Variants in KDM1A observed in about 807,000 individuals in gnomAD.
The protein encoded by KDM1A is lysine-specific histone demethylase 1A.
Under a neutral mutation model 109.4 loss-of-function variants are expected in KDM1A, and 49 were observed. That is an observed-to-expected ratio of 0.45 (90% CI 0.36 to 0.57). KDM1A has a LOEUF of 0.57. Ranked by LOEUF, KDM1A falls within the 20% of genes least tolerant of loss-of-function variation. The pLI is 0.00. For missense variants in KDM1A, 668 were observed against 1,116.6 expected, an observed-to-expected ratio of 0.60 and a Z score of 5.73; for synonymous variants, 380 against 415.4, an observed-to-expected ratio of 0.91 and a Z score of 1.04.
intron 1 of KDM1A, among the ~76,000 whole-genome samples, chr1:23,026,434 G>A (rs1244100068): frequency 2.0e-5 from 3 of 149,836 alleles, no homozygotes; most frequent in Non-Finnish European, 3.0e-5. Context: ...TTGTCACCCA[G>A]GCTGGAGTGC....
Position 23,079,793 on chromosome 1 carries a change from A to G in KDM1A, c.2170+126A>G. On this transcript the variant is annotated intron_variant, in intron 18 of 20. Transcript: ENST00000400181. The surrounding 1 kb of genome is among the most constrained non-coding windows in gnomAD (Gnocchi z 5.6). ...TATTAACTCAACAAACAATTCCTGA[A>G]ATACCTTCTAGGTACTGGGGTATAA... 2 of 558,394 alleles carry G rather than the reference A, an allele frequency of 3.6e-6. No individual in the cohort carries two copies. The highest frequency in any genetic ancestry group is 6.2e-6 in the Non-Finnish European group (2 of 325,062). The allele number at this position is 558,394 out of a possible 1,614,324, so 34.6% of individuals were successfully genotyped here.
chr1:23,066,142 A>G (rs1342670423), intron 10 of KDM1A, 71 bp downstream of exon 10: 9 of 1,054,788 alleles, frequency 8.5e-6, no homozygotes, highest in Non-Finnish European at 1.2e-5. Context: ...CTTGAAACCT[A>G]AATCTTTTCC....
chr1:23,043,720 A>C (rs1642421148), intron 2 of KDM1A, among the ~76,000 whole-genome samples: 1 of 152,212 alleles, frequency 6.6e-6, no homozygotes, highest in Non-Finnish European at 1.5e-5. Flanking sequence ...CTACATATTA[A>C]TCAGTGAGGA....
intron 12 of KDM1A, among the ~76,000 whole-genome samples, chr1:23,069,442 G>A (rs1171516084): frequency 6.6e-6 from 1 of 152,134 alleles, no homozygotes. Flanking sequence ...CACATTGGAA[G>A]AAGAAGAATT....
chr1:23,033,217 C>T (rs1360913374), intron 2 of KDM1A, among the ~76,000 whole-genome samples: 1 of 152,188 alleles, frequency 6.6e-6, no homozygotes, highest in Non-Finnish European at 1.5e-5. Flanking sequence ...AAAAGGCAAT[C>T]ACTAGAAATT....
intron 2 of KDM1A, among the ~76,000 whole-genome samples, chr1:23,038,278 G>A (rs1642208799): frequency 6.6e-6 from 1 of 151,968 alleles, no homozygotes. Context: ...GTGTGTGTGT[G>A]TGTGTGTGTG....
At position 23,079,317 on chromosome 1, in the gene KDM1A, A is replaced by C. The variant is rs1290395034; in HGVS notation, c.2055+140A>C. On this transcript the variant is annotated intron_variant, in intron 17 of 20. Transcript: ENST00000400181. This position sits in a 1 kb window ranked among gnomAD's most constrained non-coding sequence, Gnocchi z 5.6. Reference sequence around the variant, plus strand: ...TGTGACATCAGGGCTGAGGCGTGTCAGTTGATTCTCTTCAGTGCCTAAGTC... The same window carrying C: ...TGTGACATCAGGGCTGAGGCGTGTCCGTTGATTCTCTTCAGTGCCTAAGTC... 4 of 826,320 alleles carry C rather than the reference A, an allele frequency of 4.8e-6. No homozygotes were observed. The African/African-American group carries it at 5.2e-5, about 11-fold the overall frequency. 51.2% of individuals were successfully genotyped at this position (826,320 alleles called of 1,614,324 possible). A position where few individuals can be genotyped will look rare whatever the true frequency, so the allele number is the denominator to read the frequency against.
chr1:23,049,916 C>G (rs547276305), intron 3 of KDM1A, among the ~76,000 whole-genome samples: 1 of 152,222 alleles, frequency 6.6e-6, no homozygotes, highest in African/African-American at 2.4e-5. Flanking sequence ...ATGGATGATA[C>G]TGTTGATGGG....
intron 16 of KDM1A, among the ~76,000 whole-genome samples, chr1:23,077,785 A>G (rs1569818313): frequency 6.6e-6 from 1 of 152,106 alleles, no homozygotes; most frequent in East Asian, 1.9e-4. Flanking sequence ...ACTAGGACCC[A>G]CCCCTTATAT....
chr1:23,041,066 A>G (rs1005719627), intron 2 of KDM1A, among the ~76,000 whole-genome samples: 3 of 152,314 alleles, frequency 2.0e-5, no homozygotes, highest in African/African-American at 7.2e-5. Flanking sequence ...TGAATAAGGG[A>G]TTTTATATAT....
chr1:23,036,080 T>G (rs1000251175), intron 2 of KDM1A, among the ~76,000 whole-genome samples: 10 of 151,036 alleles, frequency 6.6e-5, no homozygotes, highest in Non-Finnish European at 1.2e-4. Context: ...AACCACTTTG[T>G]TTTTTTTTAA....
chr1:23,077,356 T>C lies in KDM1A; in HGVS notation c.1863T>C (p.Ala621=), dbSNP rs1643496570. ...CAGTGCGACAGGTTCGCTACACGGC[T>C]TCAGGTATGTCACTGCTTTACAAAA... ...NTAVRQVRYT[A]SGCEVIAVNT... Residue 621 remains alanine, a synonymous_variant, in exon 16 of 21, where the codon GCT becomes GCC. Coordinates refer to ENST00000400181, the MANE Select transcript of KDM1A (RefSeq NM_001009999.3). The C allele has an allele frequency of 1.2e-6, 2 of 1,611,706 alleles. No individual in the cohort carries two copies. Among genetic ancestry groups the C allele is most frequent in the Non-Finnish European group, 1.7e-6 (2 of 1,178,564 alleles).
intron 15 of KDM1A, among the ~76,000 whole-genome samples, chr1:23,076,791 G>A (rs543599337): frequency 6.6e-5 from 10 of 152,032 alleles, no homozygotes; most frequent in Admixed American, 3.9e-4. Flanking sequence ...GTGAAACCCC[G>A]TCTCTACTAA....
intron 2 of KDM1A, among the ~76,000 whole-genome samples, chr1:23,033,107 A>G (rs10917345): frequency 0.8 from 122,455 of 152,130 alleles, 49,670 homozygotes; most frequent in Non-Finnish European, 0.83. Flanking sequence ...ATGTTGGCCC[A>G]CCTTGGCCTC....
rs924732544 is a variant in KDM1A, at chr1:23,069,108, A to T, written c.1370A>T (p.Lys457Met). The T allele has an allele frequency of 6.2e-7, 1 of 1,611,234 alleles. No homozygotes were observed. Among genetic ancestry groups the T allele is most frequent in the Admixed American group, 1.7e-5 (1 of 59,780 alleles). Reference protein sequence around the residue: ...VKDEQIEHWKKIVKTQEELKE... With the variant: ...VKDEQIEHWKMIVKTQEELKE... Reference sequence around the variant, plus strand: ...GATGAGCAGATTGAACATTGGAAGAAGATAGTGAAAACTCAGGAAGAATTG... The same window carrying T: ...GATGAGCAGATTGAACATTGGAAGATGATAGTGAAAACTCAGGAAGAATTG... Residue 457 changes from lysine (K) to methionine (M), a missense_variant, in exon 12 of 21, where the codon AAG becomes ATG. By Grantham distance (95) the Lys-to-Met change is moderately conservative. Transcript: ENST00000400181.
chr1:23,033,924 G>A (rs1642066698), intron 2 of KDM1A, among the ~76,000 whole-genome samples: 1 of 152,186 alleles, frequency 6.6e-6, no homozygotes, highest in Non-Finnish European at 1.5e-5. Context: ...AAGAAGCTGA[G>A]ATTGGAGAGA....
chr1:23,043,239 G>C (rs1484252161), intron 2 of KDM1A, among the ~76,000 whole-genome samples: 1 of 152,098 alleles, frequency 6.6e-6, no homozygotes, highest in Non-Finnish European at 1.5e-5. Context: ...TATACCTTGG[G>C]CCTTGTCTGA....
chr1:23,075,487 C>G (rs1455379960), intron 15 of KDM1A, among the ~76,000 whole-genome samples: 1 of 151,736 alleles, frequency 6.6e-6, no homozygotes, highest in Non-Finnish European at 1.5e-5. Flanking sequence ...ACGAGAATTG[C>G]CTGAACCCAG....
At chr1:23,082,852 C>G (rs955579118) in intron 20 of KDM1A, 1 of 230,484 alleles carries the variant, frequency 4.3e-6, no homozygotes, top group African/African-American at 2.2e-5. Flanking sequence ...ACCAAATGTC[C>G]TGTGCTTCAG....
Sources: gnomAD v4.1 joint callset for allele counts (sites outside exome capture counted in the v4.1 genomes callset) on GRCh38, gnomAD v4.1.1 for gene constraint, Gnocchi (gnomAD v3.1) non-coding constraint, MANE v1.5 for transcripts, NCBI Gene and HGNC (gene_info 2026-07-23, HGNC 2026-07-21) for gene names.